POTEF: variants seen among roughly 807,000 people sequenced by gnomAD.
The protein encoded by POTEF is ANKRD26-like family C member 1B.
A neutral mutation model predicts 83.2 loss-of-function variants in POTEF; 20 were observed. That is an observed-to-expected ratio of 0.24 (90% confidence interval 0.17 to 0.35). POTEF has a LOEUF of 0.35. Among genes scored for constraint, POTEF ranks in the 10% least tolerant of loss-of-function variants. The probability of loss-of-function intolerance (pLI) is 1.00; values close to 1 mark genes in which losing one functional copy is unlikely to be tolerated. For missense variants in POTEF, 550 were observed against 1,203.2 expected (o/e 0.46, Z 8.03); for synonymous variants, 196 against 446.4 (o/e 0.44, Z 7.07).
chr2:130,126,022 A>T (rs1005751094), intron 2 of POTEF, among the ~76,000 whole-genome samples: 29 of 151,742 alleles, frequency 1.9e-4, no homozygotes, highest in Non-Finnish European at 2.8e-4. Flanking sequence ...GGTGGCAGAG[A>T]GCCAGGCGTG....
intron 8 of POTEF, among the ~76,000 whole-genome samples, chr2:130,103,102 C>CTT (rs60152509): frequency 4.6e-4 from 58 of 126,454 alleles, no homozygotes; most frequent in African/African-American, 1.8e-3. Flanking sequence ...TTCTTTCTTT[C>CTT]TTTTTTTTTT....
At chr2:130,114,023 T>C (rs1379319794) in intron 5 of POTEF, among the ~76,000 whole-genome samples, 7 of 152,036 alleles carry the variant, frequency 4.6e-5, no homozygotes, top group Admixed American at 6.5e-5. Flanking sequence ...ACACTCTAGA[T>C]TTGAAAGCAG....
In POTEF at chr2:130,074,971, A is replaced by T; in HGVS notation, c.2501T>A (p.Val834Glu). The T allele has an allele frequency of 1.2e-6, 2 of 1,612,324 alleles. No individual in the cohort carries two copies. The highest frequency in any genetic ancestry group is 1.7e-6 in the Non-Finnish European group (2 of 1,179,650). ...CAGGGACAGCACAGCCTGGATGGCC[A>T]CGTACATGGCTGGGGTGTTGAAGGT... ...FETFNTPAMY[V>E]AIQAVLSLYT... Residue 834 changes from valine to glutamate, a missense_variant, in exon 17 of 17, where the codon GTG (valine) becomes GAG (glutamate). Transcript: ENST00000409914.
At chr2:130,105,137 A>T (rs907733709) in intron 8 of POTEF, among the ~76,000 whole-genome samples, 2 of 140,676 alleles carry the variant, frequency 1.4e-5, no homozygotes, top group Non-Finnish European at 3.1e-5. Context: ...TCACTAAATC[A>T]TATTGACGAT....
At chr2:130,092,689 C>T (rs1355945806) in intron 12 of POTEF, among the ~76,000 whole-genome samples, 7 of 113,354 alleles carry the variant, frequency 6.2e-5, no homozygotes, top group African/African-American at 2.4e-4. Context: ...ATTAACCAGC[C>T]GGTGGAAGAA....
chr2:130,126,843 G>C (rs1199771994), intron 2 of POTEF, among the ~76,000 whole-genome samples: 1 of 151,844 alleles, frequency 6.6e-6, no homozygotes, highest in East Asian at 1.9e-4. Flanking sequence ...GGAGAAACAA[G>C]AATAGAAACA....
At chr2:130,127,549 C>G (rs1459013994) in intron 2 of POTEF, among the ~76,000 whole-genome samples, 160 bp downstream of exon 2, 1 of 151,368 alleles carries the variant, frequency 6.6e-6, no homozygotes, top group African/African-American at 2.4e-5. Flanking sequence ...CACCCCAGGT[C>G]GGACTGGGCC....
intron 15 of POTEF, among the ~76,000 whole-genome samples, chr2:130,083,447 T>G (rs1573593038): frequency 6.9e-6 from 1 of 145,928 alleles, no homozygotes; most frequent in East Asian, 2.0e-4. Flanking sequence ...ATAAACGGAC[T>G]AGAAAGGCAG....
intron 11 of POTEF, among the ~76,000 whole-genome samples, chr2:130,094,884 T>C (rs1684204075): frequency 7.5e-6 from 1 of 133,448 alleles, no homozygotes; most frequent in African/African-American, 2.9e-5. Context: ...AAAGAATAAA[T>C]AGTGAATAAC....
chr2:130,114,071 A>G (rs1684779915), intron 5 of POTEF, among the ~76,000 whole-genome samples: 1 of 151,918 alleles, frequency 6.6e-6, no homozygotes. Flanking sequence ...CCAGAATAGG[A>G]TACTAAGTCA....
chr2:130,118,538 T>C (rs1338842513), intron 3 of POTEF, among the ~76,000 whole-genome samples: 2 of 150,878 alleles, frequency 1.3e-5, no homozygotes, highest in Non-Finnish European at 2.9e-5. Flanking sequence ...CTACTAAAAA[T>C]ACAAAGCAAT....
rs1004732338 is a variant in POTEF at position 130,104,839 on chromosome 2, T to A, written c.1127-2659A>T. ...GGACATTTATCATCAACTTTCAGAT[T>A]CTTGGATCTTTGACAAGTCTTATTA... is the stretch of plus-strand genomic sequence containing the variant. On this transcript the variant is annotated intron_variant, in intron 8 of 16. Coordinates refer to ENST00000409914, the MANE Select transcript of POTEF (RefSeq NM_001099771.2). 3.6e-4 allele frequency among the ~76,000 whole-genome samples: 54 copies of A among 151,420 alleles called. 1 individual carries two copies. Among genetic ancestry groups the A allele is most frequent in the African/African-American group, 1.2e-3 (50 of 40,818 alleles).
At chr2:130,113,090 A>T (rs570631346) in intron 5 of POTEF, among the ~76,000 whole-genome samples, 2,582 of 143,572 alleles carry the variant, frequency 0.018, 238 homozygotes, top group African/African-American at 0.07. Context: ...CAGAGATAAA[A>T]GTCAGACTAG....
At position 130,119,090 on chromosome 2, in the gene POTEF, T is replaced by C. The variant is rs576192663; in HGVS notation, c.521+905A>G. On this transcript the variant is annotated intron_variant, in intron 3 of 16. Transcript: ENST00000409914. ...TATCACAATAATAAAAGACAGCATG[T>C]GTAATTTAAAAACGCTAAAACTTTG... 7.2e-5 allele frequency among the ~76,000 whole-genome samples: 11 copies of C among 152,014 alleles called. No individual in the cohort carries two copies. In the East Asian group the frequency reaches 2.1e-3, roughly 29 times the overall value.
At chr2:130,113,077 C>T (rs3990529) in intron 5 of POTEF, among the ~76,000 whole-genome samples, 90,444 of 140,148 alleles carry the variant, frequency 0.65, 29,940 homozygotes, top group African/African-American at 0.75. Flanking sequence ...AATGTCTCAA[C>T]CACAGAGATA....
chr2:130,101,074 TCAG>T (rs1465628016), intron 9 of POTEF, among the ~76,000 whole-genome samples: 7 of 128,836 alleles, frequency 5.4e-5, no homozygotes, highest in Non-Finnish European at 1.1e-4. Context: ...CAAAAATGAA[TCAG>T]CAGATGATTT....
At chr2:130,076,023 A>C (rs866803108) in intron 16 of POTEF, among the ~76,000 whole-genome samples, 2 of 122,708 alleles carry the variant, frequency 1.6e-5, no homozygotes, top group Non-Finnish European at 3.4e-5. Context: ...AGCTATGCAT[A>C]TATTTGGACA....
intron 1 of POTEF, among the ~76,000 whole-genome samples, chr2:130,128,267 G>A (rs1474868206): frequency 6.6e-6 from 1 of 151,460 alleles, no homozygotes; most frequent in Non-Finnish European, 1.5e-5. Context: ...AGCATGGGGT[G>A]TGGGCGGGAG....
At chr2:130,111,685 T>C (rs951641061) in intron 6 of POTEF, among the ~76,000 whole-genome samples, 1 of 150,626 alleles carries the variant, frequency 6.6e-6, no homozygotes, top group Non-Finnish European at 1.5e-5. Context: ...TACTGAGTCA[T>C]AAAGTAAACT....
Sources: allele counts gnomAD v4.1 joint callset (sites outside exome capture counted in the v4.1 genomes callset), GRCh38; gene constraint gnomAD v4.1.1; transcripts MANE v1.5; gene names NCBI Gene and HGNC (gene_info 2026-07-23, HGNC 2026-07-21).